Variants in ACIN1 observed in about 807,000 individuals in gnomAD.
ACIN1 encodes apoptotic chromatin condensation inducer 1.
Under a neutral mutation model 146.6 loss-of-function variants are expected in ACIN1, and 16 were observed. The observed-to-expected ratio is 0.11, with a 90% CI of 0.07 to 0.17. ACIN1 has a LOEUF of 0.17. ACIN1 is among the 10% of genes least tolerant of loss of function. ACIN1 has a pLI of 1.00. For missense variants in ACIN1, 1,357 were observed against 1,609.3 expected, an observed-to-expected ratio of 0.84 and a Z score of 2.68; for synonymous variants, 569 against 582.7, an observed-to-expected ratio of 0.98 and a Z score of 0.34.
rs749946954 is a variant in ACIN1 at position 23,078,141 on chromosome 14, T to C, written c.2123+10A>G. 103 of 1,613,014 alleles carry C rather than the reference T, an allele frequency of 6.4e-5. No homozygotes were observed. Among genetic ancestry groups the C allele is most frequent in the Non-Finnish European group, 8.0e-5 (94 of 1,179,182 alleles). ...TCCCTGTTATACCCCGGTCGAGATA[T>C]ATCACTTACACAGTGTGATGAATTC... On this transcript the variant is annotated intron_variant, in intron 8 of 18. Coordinates refer to ENST00000605057, the MANE Select transcript of ACIN1 (RefSeq NM_001386863.1).
intron 1 of ACIN1, chr14:23,094,702 G>A (rs1018156738): frequency 1.4e-5 from 9 of 661,112 alleles, no homozygotes; most frequent in Admixed American, 1.1e-4. Flanking sequence ...AAACAAGGAG[G>A]GGGTGGGGGA....
intron 18 of ACIN1, 25 bp from the exon 19 acceptor site, chr14:23,059,499 G>C: frequency 6.3e-7 from 1 of 1,593,770 alleles, no homozygotes; most frequent in South Asian, 1.1e-5. Context: ...GAAAGGCAGA[G>C]AATAGGCAGC....
chr14:23,064,972 G>C (rs2047406404), intron 10 of ACIN1, among the ~76,000 whole-genome samples: 1 of 151,702 alleles, frequency 6.6e-6, no homozygotes, highest in African/African-American at 2.4e-5. Context: ...TGATCTAAAA[G>C]CAGTAAGGGA....
intron 4 of ACIN1, among the ~76,000 whole-genome samples, chr14:23,082,477 ACT>A (rs1224495749): frequency 1.6e-5 from 2 of 121,996 alleles, no homozygotes; most frequent in Non-Finnish European, 3.2e-5. Flanking sequence ...ATGGAGTCTC[ACT>A]CTGTCACCCA....
rs768144880 is a variant in ACIN1 at position 23,061,329 on chromosome 14, C to T, written c.3393G>A (p.Ala1131=). ...RSRDRRRKER[A]KSKEKKSEKK... Reference sequence around the variant, plus strand: ...TCTCACTCTTCTTTTCTTTAGACTTCGCACGTTCCTTGCGGCGGCGGTCAC... The same window carrying T: ...TCTCACTCTTCTTTTCTTTAGACTTTGCACGTTCCTTGCGGCGGCGGTCAC... Residue 1131 remains alanine (A), a synonymous_variant, in exon 17 of 19, where the codon GCG becomes GCA. Coordinates refer to ENST00000605057, the MANE Select transcript of ACIN1 (RefSeq NM_001386863.1). 8.7e-6 allele frequency: 14 copies of T among 1,613,982 alleles called. No homozygotes were observed. The highest frequency in any genetic ancestry group is 1.1e-5 in the South Asian group (1 of 91,062).
intron 10 of ACIN1, 87 bp downstream of exon 10, chr14:23,065,878 TG>T (rs1357804831): frequency 1.6e-6 from 2 of 1,230,016 alleles, no homozygotes; most frequent in Non-Finnish European, 2.4e-6. Context: ...GACCCAAGAA[TG>T]CCATTGAGAA....
At position 23,084,627 on chromosome 14, in the gene ACIN1, A is replaced by AC. The variant is rs59321926; in HGVS notation, c.437-2792_437-2791insG. On this transcript the variant is annotated intron_variant, in intron 4 of 18. Transcript: ENST00000605057. The stretch of plus-strand genomic sequence containing the variant: ...TCCATCTCAAAAAAGAAAAAAAAAA[A>AC]AAAAAACCCAAAATGAAACTAATGA... Among the ~76,000 whole-genome samples the AC allele has an allele frequency of 8.3e-3, 1,253 of 151,146 alleles. 21 individuals carry two copies. The highest frequency in any genetic ancestry group is 0.029 in the African/African-American group (1,208 of 41,266).
chr14:23,069,153 G>A (rs376915649), intron 9 of ACIN1: 6 of 1,043,734 alleles, frequency 5.7e-6, no homozygotes, highest in East Asian at 1.5e-4. Flanking sequence ...ACCACCAGGA[G>A]AAGCTTGGGA....
chr14:23,079,497 C>T (rs2047886427), intron 6 of ACIN1, 50 bp downstream of exon 6: 2 of 1,584,686 alleles, frequency 1.3e-6, no homozygotes, highest in South Asian at 2.3e-5. Context: ...AAATGAAAAC[C>T]ACTGGAATAT....
In ACIN1 at chr14:23,064,756, G is replaced by A. The variant is rs2047396759; in HGVS notation, c.2309-268C>T. 25 of 369,732 alleles carry A rather than the reference G, an allele frequency of 6.8e-5. No homozygotes were observed. The South Asian group carries it at 7.7e-4, about 11-fold the overall frequency. The allele number at this position is 369,732 out of a possible 1,614,324, so 22.9% of individuals were successfully genotyped here. A position where few individuals can be genotyped will look rare whatever the true frequency, so the allele number is the denominator to read the frequency against. On this transcript the variant is annotated intron_variant, in intron 10 of 18. Coordinates refer to ENST00000605057, the MANE Select transcript of ACIN1 (RefSeq NM_001386863.1). ...TACTAAAAATACAAAAATTAGCCAG[G>A]CGTTGTGGTGCATGCCTGTAATCCC...
chr14:23,084,964 C>G (rs2140197669), intron 4 of ACIN1, among the ~76,000 whole-genome samples: 1 of 152,218 alleles, frequency 6.6e-6, no homozygotes, highest in Middle Eastern at 3.4e-3. Flanking sequence ...AGGCAAAGTT[C>G]CTTCACAAGT....
At chr14:23,078,346 A>C (rs1227122817) in intron 7 of ACIN1, 80 bp from the exon 8 acceptor site, 4 of 1,270,942 alleles carry the variant, frequency 3.1e-6, no homozygotes, top group Non-Finnish European at 4.5e-6. Context: ...GAGCCTGAAA[A>C]AGGCAGGGCA....
chr14:23,064,561 G>A, intron 10 of ACIN1, 73 bp from the exon 11 acceptor site: 1 of 1,549,978 alleles, frequency 6.5e-7, no homozygotes, highest in South Asian at 1.2e-5. Flanking sequence ...AATACCTACA[G>A]GTTACCTCTG....
rs2140157294 is a variant in ACIN1 at position 23,080,215 on chromosome 14, G to A, written c.1120C>T (p.Leu374Phe). The A allele has an allele frequency of 1.2e-6, 2 of 1,614,224 alleles. No individual in the cohort carries two copies. Among genetic ancestry groups the A allele is most frequent in the South Asian group, 2.2e-5 (2 of 91,078 alleles). The change falls in exon 6 of 19, where the codon CTC becomes TTC. Residue 374 changes from leucine to phenylalanine, a missense_variant. Physicochemically the swap from Leu to Phe is conservative, Grantham distance 22. Coordinates refer to ENST00000605057, the MANE Select transcript of ACIN1 (RefSeq NM_001386863.1). ...EASSPPPHPQ[L>F]HSEEEIEPME... The stretch of plus-strand genomic sequence containing the variant: ...GGCTCTATTTCTTCTTCGCTATGGA[G>A]CTGTGGATGAGGTGGTGGAGAAGAT...
intron 8 of ACIN1, among the ~76,000 whole-genome samples, chr14:23,070,831 T>C (rs1277736922): frequency 1.3e-5 from 2 of 151,940 alleles, no homozygotes; most frequent in Non-Finnish European, 2.9e-5. Context: ...CTAGGGGGGT[T>C]AGGGGGAGGG....
chr14:23,087,432 T>C (rs1176962421), intron 4 of ACIN1, among the ~76,000 whole-genome samples: 1 of 150,938 alleles, frequency 6.6e-6, no homozygotes, highest in Non-Finnish European at 1.5e-5. Flanking sequence ...TTTTCCAATT[T>C]ATTTTTCACC....
rs114174925 is a variant in ACIN1 at position 23,063,763 on chromosome 14, A to G, written c.2596-186T>C. Among the ~76,000 whole-genome samples, 775 of 152,334 alleles carry G rather than the reference A, an allele frequency of 5.1e-3. 3 individuals carry two copies. Among genetic ancestry groups the G allele is most frequent in the African/African-American group, 0.018 (734 of 41,566 alleles). On this transcript the variant is annotated intron_variant, in intron 12 of 18. Coordinates refer to ENST00000605057, the MANE Select transcript of ACIN1 (RefSeq NM_001386863.1). ...AGTGCCTCAACTTTGCCTTGAGGAA[A>G]ACTAAGACAGGAGTTAGTAAATTTT...
chr14:23,059,291 T>G lies in ACIN1; in HGVS notation c.3709A>C (p.Arg1237=). The change falls in exon 19 of 19, where the codon AGG becomes CGG. Residue 1237 remains arginine (R), a synonymous_variant. Transcript: ENST00000605057. ...TCTCGGTCCCCCCTGTCCCGCTCCC[T>G]TTCTCTCTCTCTCTCCCTGTCCCTC... ...RERDRERERE[R]ERDRGDRDRD... The G allele has an allele frequency of 6.2e-7, 1 of 1,600,054 alleles. No individual in the cohort carries two copies. The highest frequency in any genetic ancestry group is 8.6e-7 in the Non-Finnish European group (1 of 1,167,330).
Position 23,094,910 on chromosome 14 carries a change from G to C in ACIN1, c.138+65C>G, listed in dbSNP as rs1369211961. ...CGAGCCCGGATACTGCGCCTGCGCC[G>C]CGGCAGAGGCTCGTCTCTACCGGGT... On this transcript the variant is annotated intron_variant, in intron 1 of 18. Transcript: ENST00000605057. 4.7e-6 allele frequency: 7 copies of C among 1,503,636 alleles called. No individual in the cohort carries two copies. In the Admixed American group the frequency reaches 1.1e-4, roughly 23 times the overall value. 93.1% of individuals were successfully genotyped at this position (1,503,636 alleles called of 1,614,324 possible).
Sources: allele counts gnomAD v4.1 joint callset (sites outside exome capture counted in the v4.1 genomes callset), GRCh38; gene constraint gnomAD v4.1.1; transcripts MANE v1.5; gene names NCBI Gene and HGNC (gene_info 2026-07-23, HGNC 2026-07-21).